The following SGCZ variants were observed in gnomAD, a reference collection of about 807,000 sequenced individuals.
The protein encoded by SGCZ is zeta-sarcoglycan.
Under a neutral mutation model 41.3 loss-of-function variants are expected in SGCZ, and 40 were observed. The observed-to-expected ratio is 0.97, with a 90% CI of 0.75 to 1.26. The LOEUF (loss-of-function observed/expected upper bound fraction) is 1.26, where lower values mean the gene tolerates loss of function less well. SGCZ is among the 50% of genes most tolerant of loss of function. SGCZ has a pLI of 0.00. For synonymous variants in SGCZ, 206 were observed against 137.5 expected (o/e 1.50, Z -3.49); for missense variants, 552 against 369.8 (o/e 1.49, Z -4.04).
chr8:14,572,129 G>A (rs1050038891), intron 1 of SGCZ, among the ~76,000 whole-genome samples: 3 of 152,098 alleles, frequency 2.0e-5, no homozygotes, highest in Non-Finnish European at 4.4e-5. Context: ...AGATGAAATT[G>A]CATTAATACA....
In SGCZ at chr8:14,313,113, C is replaced by T. The variant is rs1346655892; in HGVS notation, c.336+10990G>A. 3.9e-5 allele frequency among the ~76,000 whole-genome samples: 6 copies of T among 152,210 alleles called. No individual in the cohort carries two copies. In the East Asian group the frequency reaches 7.7e-4, roughly 20 times the overall value. On this transcript the variant is annotated intron_variant, in intron 3 of 7. Coordinates refer to ENST00000382080, the MANE Select transcript of SGCZ (RefSeq NM_139167.4). The stretch of plus-strand genomic sequence containing the variant: ...AACTACTTCGAGCCAAGTTCTCTTT[C>T]GCAGCTGTGAGAGTATTCTAATGAG...
At chr8:14,971,854 T>C (rs551515549) in intron 1 of SGCZ, among the ~76,000 whole-genome samples, 24 of 152,002 alleles carry the variant, frequency 1.6e-4, no homozygotes, top group Non-Finnish European at 3.2e-4. Context: ...TTCACCATGT[T>C]GGCCAGAATG....
intron 1 of SGCZ, among the ~76,000 whole-genome samples, chr8:14,929,208 G>A (rs958195263): frequency 2.6e-5 from 4 of 152,044 alleles, no homozygotes; most frequent in African/African-American, 7.2e-5. Flanking sequence ...GGCCAGGCTG[G>A]TCTCGAACTC....
intron 4 of SGCZ, among the ~76,000 whole-genome samples, chr8:14,202,922 C>T (rs776535540): frequency 1.3e-5 from 2 of 152,058 alleles, no homozygotes; most frequent in African/African-American, 2.4e-5. Context: ...AGGAATCAGG[C>T]GGGAGGTGAT....
At chr8:14,833,731 G>A in intron 1 of SGCZ, among the ~76,000 whole-genome samples, 1 of 152,052 alleles carries the variant, frequency 6.6e-6, no homozygotes, top group East Asian at 1.9e-4. Context: ...AGTTGGGGGT[G>A]GTTGGAGCAA....
intron 1 of SGCZ, among the ~76,000 whole-genome samples, chr8:14,576,223 C>G (rs1234321894): frequency 6.6e-6 from 1 of 151,992 alleles, no homozygotes; most frequent in Non-Finnish European, 1.5e-5. Context: ...CTGTCTATGT[C>G]GGCATATTGA....
chr8:15,067,807 G>A (rs2131022680), intron 1 of SGCZ, among the ~76,000 whole-genome samples: 2 of 152,200 alleles, frequency 1.3e-5, no homozygotes, highest in South Asian at 4.1e-4. Flanking sequence ...TCATCACAGA[G>A]CTCACAGTCT....
intron 1 of SGCZ, among the ~76,000 whole-genome samples, chr8:14,796,092 G>A (rs1197252242): frequency 6.6e-6 from 1 of 152,174 alleles, no homozygotes; most frequent in Non-Finnish European, 1.5e-5. Flanking sequence ...CATTTAGGTT[G>A]ATTCCTTGTC....
At chr8:15,095,301 G>A (rs1457714170) in intron 1 of SGCZ, among the ~76,000 whole-genome samples, 1 of 152,038 alleles carries the variant, frequency 6.6e-6, no homozygotes, top group Non-Finnish European at 1.5e-5. Context: ...GTTTCACCAT[G>A]TTACCCAAGC....
At chr8:15,099,007 G>A (rs370207754) in intron 1 of SGCZ, among the ~76,000 whole-genome samples, 70 of 152,026 alleles carry the variant, frequency 4.6e-4, no homozygotes, top group African/African-American at 1.5e-3. Context: ...GTACTGAGCC[G>A]AGATCCCACC....
At chr8:14,244,062 A>C (rs1287969993) in intron 3 of SGCZ, among the ~76,000 whole-genome samples, 1 of 152,142 alleles carries the variant, frequency 6.6e-6, no homozygotes, top group Admixed American at 6.5e-5. Context: ...ACATTACAAG[A>C]TCCAGGCTAC....
intron 3 of SGCZ, among the ~76,000 whole-genome samples, chr8:14,296,409 A>G (rs1382574711): frequency 6.6e-6 from 1 of 152,198 alleles, no homozygotes; most frequent in East Asian, 1.9e-4. Flanking sequence ...GGAGGTTTGG[A>G]TTTATATGAA....
At chr8:15,210,412 G>C (rs565650765) in intron 1 of SGCZ, among the ~76,000 whole-genome samples, 161 of 152,128 alleles carry the variant, frequency 1.1e-3, no homozygotes, top group African/African-American at 3.8e-3. Context: ...CCGTAATACT[G>C]TTCCTTCTCC....
In SGCZ at chr8:14,224,277, G is replaced by T. The variant is rs951567650; in HGVS notation, c.424+13315C>A. On this transcript the variant is annotated intron_variant, in intron 4 of 7. Coordinates refer to ENST00000382080, the MANE Select transcript of SGCZ (RefSeq NM_139167.4). The stretch of plus-strand genomic sequence containing the variant: ...ACATCCAGAAATTCATTTAATAGGG[G>T]ATGGAAATACCAAGGGTAGAAAAGA... Among the ~76,000 whole-genome samples the T allele has an allele frequency of 2.0e-5, 3 of 152,186 alleles. No individual in the cohort carries two copies. The East Asian group carries it at 5.8e-4, about 29-fold the overall frequency.
At chr8:14,639,773 TGA>T (rs904029486) in intron 1 of SGCZ, among the ~76,000 whole-genome samples, 1 of 151,762 alleles carries the variant, frequency 6.6e-6, no homozygotes, top group Non-Finnish European at 1.5e-5. Context: ...GATTCTCATG[TGA>T]GAGACTTTTT....
At chr8:15,164,852 C>A (rs1472909070) in intron 1 of SGCZ, among the ~76,000 whole-genome samples, 2 of 152,064 alleles carry the variant, frequency 1.3e-5, no homozygotes. Context: ...CCCTTGGCAA[C>A]GCTTTGCTTA....
rs57776259 is a variant in SGCZ at position 15,085,086 on chromosome 8, A to G, written c.39+152499T>C. 1.6e-3 allele frequency among the ~76,000 whole-genome samples: 251 copies of G among 152,312 alleles called. 2 individuals are homozygous for G. Among genetic ancestry groups the G allele is most frequent in the African/African-American group, 5.4e-3 (223 of 41,570 alleles). On this transcript the variant is annotated intron_variant, in intron 1 of 7. Transcript: ENST00000382080. ...TAACCCCAGGAGATCTATGCAGTCA[A>G]TTATCCTGGCTTTGATGAAGAAAAT...
chr8:14,531,146 G>A (rs1803117891), intron 2 of SGCZ, among the ~76,000 whole-genome samples: 1 of 151,968 alleles, frequency 6.6e-6, no homozygotes, highest in South Asian at 2.1e-4. Flanking sequence ...GCCCTGCATT[G>A]GTTCTTTACA....
intron 1 of SGCZ, among the ~76,000 whole-genome samples, chr8:14,606,643 T>C (rs1055300429): frequency 2.6e-5 from 4 of 152,212 alleles, no homozygotes; most frequent in African/African-American, 9.6e-5. Flanking sequence ...ATAGGTTTAC[T>C]GTTTTCCCTT....
Sources: allele counts gnomAD v4.1 joint callset (sites outside exome capture counted in the v4.1 genomes callset), GRCh38; gene constraint gnomAD v4.1.1; transcripts MANE v1.5; gene names NCBI Gene and HGNC (gene_info 2026-07-23, HGNC 2026-07-21).